Variants in PNMA2 observed in about 807,000 individuals in gnomAD.
The protein encoded by PNMA2 is PNMA family member 2.
For synonymous variants in PNMA2, 175 were observed against 183.5 expected (o/e 0.95, Z 0.38); for missense variants, 455 against 452.9 (o/e 1.00, Z -0.04).
rs1808102941 is a variant in PNMA2, at chr8:26,509,065, A to T, written c.-310T>A. 7.7e-6 allele frequency: 3 copies of T among 389,110 alleles called. No individual in the cohort carries two copies. The highest frequency in any genetic ancestry group is 1.3e-5 in the Non-Finnish European group (3 of 235,880). The allele number at this position is 389,110 out of a possible 1,614,324, so 24.1% of individuals were successfully genotyped here. A position where few individuals can be genotyped will look rare whatever the true frequency, so the allele number is the denominator to read the frequency against. ...CCGATTGCCAGTGATTTTCTCAAAG[A>T]TGCTGGCAGCCACGTGACGCTGACC... On this transcript the variant is annotated 5_prime_UTR_variant, in exon 3 of 3. Coordinates refer to ENST00000522362, the MANE Select transcript of PNMA2 (RefSeq NM_007257.6). This position sits in a 1 kb window ranked among gnomAD's most constrained non-coding sequence, Gnocchi z 5.7.
At position 26,508,055 on chromosome 8, in the gene PNMA2, A is replaced by C. The variant is rs1198544716; in HGVS notation, c.701T>G (p.Leu234Trp). 1 of 1,614,212 alleles carries C rather than the reference A, an allele frequency of 6.2e-7. No individual in the cohort carries two copies. The highest frequency in any genetic ancestry group is 1.7e-5 in the Admixed American group (1 of 60,030). The change falls in exon 3 of 3, where the codon TTG becomes TGG. Residue 234 changes from leucine (L) to tryptophan (W), a missense_variant. Transcript: ENST00000522362. The surrounding 1 kb of genome is among the most constrained non-coding windows in gnomAD (Gnocchi z 5.5). ...DNPSISVEEC[L>W]EAFKQVFGSL... ...CCCAAACACTTGCTTAAAGGCCTCC[A>C]AACACTCTTCTACACTGATGGACGG...
At chr8:26,513,399 A>G (rs985254781) in intron 1 of PNMA2, among the ~76,000 whole-genome samples, 1 of 52,132 alleles carries the variant, frequency 1.9e-5, no homozygotes, top group Non-Finnish European at 4.2e-5. Flanking sequence ...CCCCCCCCCC[A>G]CTCCCCCGTC....
intron 1 of PNMA2, among the ~76,000 whole-genome samples, chr8:26,512,564 G>A (rs550761837): frequency 6.6e-6 from 1 of 152,110 alleles, no homozygotes. Flanking sequence ...CTGGTTACAC[G>A]GCCCTACGCG....
Position 26,507,772 on chromosome 8 carries a change from C to A in PNMA2, c.984G>T (p.Met328Ile). 1 of 1,613,670 alleles carries A rather than the reference C, an allele frequency of 6.2e-7. No homozygotes were observed. The highest frequency in any genetic ancestry group is 8.5e-7 in the Non-Finnish European group (1 of 1,179,850). The change falls in exon 3 of 3, where the codon ATG becomes ATT. Residue 328 changes from methionine (M) to isoleucine (I), a missense_variant. Met to Ile is a conservative substitution (Grantham distance 10). Coordinates refer to ENST00000522362, the MANE Select transcript of PNMA2 (RefSeq NM_007257.6). ...CCTCCTCTTCTTCCCGTATTACCTT[C>A]ATTAGCTCAAGGAAGCTGGGGGGCG... ...QGPPPSFLEL[M>I]KVIREEEEEE...
intron 1 of PNMA2, 54 bp downstream of exon 1, chr8:26,513,762 G>A (rs959919241): frequency 2.0e-5 from 3 of 152,684 alleles, no homozygotes; most frequent in Non-Finnish European, 2.9e-5. Flanking sequence ...GGGGCACTGG[G>A]GCTGGGGGCT....
intron 1 of PNMA2, among the ~76,000 whole-genome samples, chr8:26,510,958 C>G (rs1168913658): frequency 1.3e-5 from 2 of 152,052 alleles, no homozygotes; most frequent in African/African-American, 4.8e-5. Context: ...TCGAAACCAG[C>G]CTGGCCAACA....
intron 1 of PNMA2, chr8:26,512,699 G>C (rs552240973): frequency 6.6e-6 from 1 of 152,478 alleles, no homozygotes; most frequent in East Asian, 1.9e-4. Flanking sequence ...TGTGGAAAGA[G>C]AGGCGGAGCT....
At position 26,509,002 on chromosome 8, in the gene PNMA2, C is replaced by G; in HGVS notation, c.-247G>C. The G allele has an allele frequency of 9.8e-7, 1 of 1,019,216 alleles. No homozygotes were observed. Among genetic ancestry groups the G allele is most frequent in the Non-Finnish European group, 1.3e-6 (1 of 760,316 alleles). The allele number at this position is 1,019,216 out of a possible 1,614,324, so 63.1% of individuals were successfully genotyped here. ...CCTGACCCAGGTGGGCAGGTCGTAT[C>G]TCAGTTCTAACCACACCTGTGCCCG... On this transcript the variant is annotated 5_prime_UTR_variant, in exon 3 of 3. Coordinates refer to ENST00000522362, the MANE Select transcript of PNMA2 (RefSeq NM_007257.6). The surrounding 1 kb of genome is among the most constrained non-coding windows in gnomAD (Gnocchi z 5.7).
chr8:26,506,648 G>A lies in PNMA2; in HGVS notation c.*1013C>T, dbSNP rs1323736720. On this transcript the variant is annotated 3_prime_UTR_variant, in exon 3 of 3. Coordinates refer to ENST00000522362, the MANE Select transcript of PNMA2 (RefSeq NM_007257.6). The surrounding 1 kb of genome is among the most constrained non-coding windows in gnomAD (Gnocchi z 4.4). ...CAACAAAAATCTGCAGGCAGAGGTGGTCCTATTCACTGGGTGATGACACTT... is the reference window on the plus strand; with the variant it reads ...CAACAAAAATCTGCAGGCAGAGGTGATCCTATTCACTGGGTGATGACACTT... 6.6e-6 allele frequency: 1 copy of A among 152,376 alleles called. No individual in the cohort carries two copies. Among genetic ancestry groups the A allele is most frequent in the Non-Finnish European group, 1.5e-5 (1 of 68,156 alleles). 9.4% of individuals were successfully genotyped at this position (152,376 alleles called of 1,614,324 possible). A position where few individuals can be genotyped will look rare whatever the true frequency, so the allele number is the denominator to read the frequency against.
At position 26,508,103 on chromosome 8, in the gene PNMA2, A is replaced by C; in HGVS notation, c.653T>G (p.Met218Arg). 6.2e-7 allele frequency: 1 copy of C among 1,614,240 alleles called. No homozygotes were observed. Among genetic ancestry groups the C allele is most frequent in the South Asian group, 1.1e-5 (1 of 91,080 alleles). The change falls in exon 3 of 3, where the codon ATG (methionine) becomes AGG (arginine). Residue 218 changes from methionine (M) to arginine (R), a missense_variant. Met to Arg is a moderately conservative substitution (Grantham distance 91). Coordinates refer to ENST00000522362, the MANE Select transcript of PNMA2 (RefSeq NM_007257.6). The surrounding 1 kb of genome is among the most constrained non-coding windows in gnomAD (Gnocchi z 5.5). The stretch of plus-strand genomic sequence containing the variant: ...CGGGTTGTCTGCCTGCACTATGTGC[A>C]TGAGGTCCAGGGCAGGGCCCCGCAG... ...ESLRGPALDL[M>R]HIVQADNPSI...
chr8:26,509,029 A>G lies in PNMA2; in HGVS notation c.-274T>C. 1 of 626,556 alleles carries G rather than the reference A, an allele frequency of 1.6e-6. No individual in the cohort carries two copies. The highest frequency in any genetic ancestry group is 2.3e-6 in the Non-Finnish European group (1 of 432,328). The allele number at this position is 626,556 out of a possible 1,614,324, so 38.8% of individuals were successfully genotyped here. On this transcript the variant is annotated 5_prime_UTR_variant, in exon 3 of 3. Transcript: ENST00000522362. This position sits in a 1 kb window ranked among gnomAD's most constrained non-coding sequence, Gnocchi z 5.7. ...CAGTTCTAACCACACCTGTGCCCGC[A>G]GCTCTGAAGTCCGATTGCCAGTGAT...
rs540166175 is a variant in PNMA2, at chr8:26,506,930, C to A, written c.*731G>T. On this transcript the variant is annotated 3_prime_UTR_variant, in exon 3 of 3. Transcript: ENST00000522362. This position sits in a 1 kb window ranked among gnomAD's most constrained non-coding sequence, Gnocchi z 4.4. ...AAACAGCTTTATTTTTCAAACATTACAAAAGGTATTTTTTTTTTTGACTGC... is the reference window on the plus strand; with the variant it reads ...AAACAGCTTTATTTTTCAAACATTAAAAAAGGTATTTTTTTTTTTGACTGC... 2.0e-5 allele frequency: 3 copies of A among 151,624 alleles called. No homozygotes were observed. The highest frequency in any genetic ancestry group is 4.4e-5 in the Non-Finnish European group (3 of 67,776). 9.4% of individuals were successfully genotyped at this position (151,624 alleles called of 1,614,324 possible).
At position 26,508,598 on chromosome 8, in the gene PNMA2, CCAAG is replaced by C; in HGVS notation, c.154_157del (p.Leu52AlafsTer15). The C allele has an allele frequency of 6.2e-7, 1 of 1,614,180 alleles. No homozygotes were observed. The highest frequency in any genetic ancestry group is 8.5e-7 in the Non-Finnish European group (1 of 1,180,046). ...ATTCTCCTGCTTCCGGAATATCTTG[CCAAG>C]CAGTCTATACCTGCCCAGAGACTTT... On this transcript the variant is annotated frameshift_variant, in exon 3 of 3. Coordinates refer to ENST00000522362, the MANE Select transcript of PNMA2 (RefSeq NM_007257.6). LOFTEE classifies it high-confidence loss of function. The surrounding 1 kb of genome is among the most constrained non-coding windows in gnomAD (Gnocchi z 5.5).
intron 1 of PNMA2, among the ~76,000 whole-genome samples, chr8:26,511,271 G>A (rs1808149681): frequency 6.6e-6 from 1 of 152,148 alleles, no homozygotes; most frequent in South Asian, 2.1e-4. Context: ...ATTCGAATGG[G>A]GGCCATACGC....
At chr8:26,513,073 G>A (rs1252072750) in intron 1 of PNMA2, 1 of 151,612 alleles carries the variant, frequency 6.6e-6, no homozygotes, top group Non-Finnish European at 1.5e-5. Context: ...GCAGGGGAAA[G>A]CTGGAGATTT....
intron 1 of PNMA2, among the ~76,000 whole-genome samples, chr8:26,511,946 T>C (rs1237490451): frequency 6.6e-6 from 1 of 152,220 alleles, no homozygotes; most frequent in Non-Finnish European, 1.5e-5. Flanking sequence ...TTCCTCCCAG[T>C]GTGACCTGCA....
rs553438145 is a variant in PNMA2, at chr8:26,507,745, T to G, written c.1011A>C (p.Glu337Asp). ...TACTCTCATTCTCAAAGGAGGCCTC[T>G]TCCTCCTCTTCTTCCCGTATTACCT... ...LMKVIREEEE[E>D]EASFENESIE... Residue 337 changes from glutamate (E) to aspartate (D), a missense_variant, in exon 3 of 3, where the codon GAA becomes GAC. Coordinates refer to ENST00000522362, the MANE Select transcript of PNMA2 (RefSeq NM_007257.6). 6.2e-6 allele frequency: 10 copies of G among 1,611,852 alleles called. No individual in the cohort carries two copies. The South Asian group carries it at 7.7e-5, about 12-fold the overall frequency.
intron 1 of PNMA2, among the ~76,000 whole-genome samples, chr8:26,510,168 G>T (rs887364673): frequency 3.9e-5 from 6 of 152,076 alleles, no homozygotes; most frequent in African/African-American, 1.2e-4. Context: ...GCTTCCTCGA[G>T]ATCTGATTGT....
chr8:26,504,922 C>T lies in PNMA2; in HGVS notation c.*2739G>A, dbSNP rs1585476373. 1.3e-5 allele frequency: 2 copies of T among 152,170 alleles called. No homozygotes were observed. The highest frequency in any genetic ancestry group is 6.5e-5 in the Admixed American group (1 of 15,268). 9.4% of individuals were successfully genotyped at this position (152,170 alleles called of 1,614,324 possible). On this transcript the variant is annotated 3_prime_UTR_variant, in exon 3 of 3. Transcript: ENST00000522362. ...TTTTAAAAAATGCTTTTCTTACAATCTCAGGATATTCTTCAGTTAAACTGA... is the reference window on the plus strand; with the variant it reads ...TTTTAAAAAATGCTTTTCTTACAATTTCAGGATATTCTTCAGTTAAACTGA...
Sources: allele counts gnomAD v4.1 joint callset (sites outside exome capture counted in the v4.1 genomes callset), GRCh38; gene constraint gnomAD v4.1.1; non-coding constraint Gnocchi (gnomAD v3.1); transcripts MANE v1.5; gene names NCBI Gene and HGNC (gene_info 2026-07-23, HGNC 2026-07-21).